Variants in FOXN3 observed in about 807,000 individuals in gnomAD.
The protein encoded by FOXN3 is forkhead box protein N3.
A neutral mutation model predicts 38.4 loss-of-function variants in FOXN3; 7 were observed. The ratio of observed to expected loss-of-function variants is 0.18; its 90% confidence interval spans 0.10 to 0.34. The LOEUF is 0.34. FOXN3 is among the 10% of genes least tolerant of loss of function. The pLI, the probability that FOXN3 is intolerant of heterozygous loss-of-function variation, is 1.00. For synonymous variants in FOXN3, 230 were observed against 242.2 expected, an observed-to-expected ratio of 0.95 and a Z score of 0.47; for missense variants, 456 against 613.4, an observed-to-expected ratio of 0.74 and a Z score of 2.71.
At chr14:89,289,895 A>G (rs1232832417) in intron 3 of FOXN3, among the ~76,000 whole-genome samples, 3 of 152,218 alleles carry the variant, frequency 2.0e-5, no homozygotes, top group Admixed American at 2.0e-4. Flanking sequence ...GGAAAATTGA[A>G]TCATGCAGTA....
chr14:89,414,604 A>G (rs1891645567), intron 1 of FOXN3, among the ~76,000 whole-genome samples: 1 of 136,348 alleles, frequency 7.3e-6, no homozygotes, highest in Non-Finnish European at 1.5e-5. Context: ...CCCAGGCTGG[A>G]GTGCAGTGGT....
chr14:89,303,217 T>C (rs529770282), intron 3 of FOXN3, among the ~76,000 whole-genome samples: 1 of 152,284 alleles, frequency 6.6e-6, no homozygotes, highest in African/African-American at 2.4e-5. Flanking sequence ...CTGTCATTGC[T>C]ACTCAGTTGC....
intron 1 of FOXN3, among the ~76,000 whole-genome samples, chr14:89,618,775 C>CT (rs10649488): frequency 0.11 from 15,496 of 145,482 alleles, 1,041 homozygotes; most frequent in African/African-American, 0.2. Context: ...TCCTAAGAAA[C>CT]TTTTTTTTTT....
chr14:89,554,865 T>G (rs1313080863), intron 1 of FOXN3, among the ~76,000 whole-genome samples: 1 of 143,110 alleles, frequency 7.0e-6, no homozygotes, highest in African/African-American at 2.6e-5. Context: ...CTCAGCTCAC[T>G]GAAACCTCAG....
In FOXN3 at chr14:89,513,150, GAAAAA is replaced by G. The variant is rs36003791; in HGVS notation, c.-14-100665_-14-100661del. On this transcript the variant is annotated intron_variant, in intron 1 of 6. Coordinates refer to the FOXN3 transcript ENST00000345097. ...GCAACAGAGTGAGATTCCATCTCAG[GAAAAA>G]AAAAAAAAAAAAAAGAAAAAGAAAG... 5.3e-3 allele frequency among the ~76,000 whole-genome samples: 543 copies of G among 102,078 alleles called. 2 individuals carry two copies. The highest frequency in any genetic ancestry group is 0.016 in the African/African-American group (443 of 27,442). 67.0% of individuals were successfully genotyped at this position (102,078 alleles called of 152,430 possible).
chr14:89,288,370 C>T (rs536655967), intron 3 of FOXN3, among the ~76,000 whole-genome samples: 5 of 152,278 alleles, frequency 3.3e-5, no homozygotes, highest in African/African-American at 1.2e-4. Flanking sequence ...AAGGTATCAG[C>T]CTGCACATAG....
At chr14:89,250,942 C>CTCA (rs920074044) in intron 4 of FOXN3, among the ~76,000 whole-genome samples, 6 of 152,188 alleles carry the variant, frequency 3.9e-5, no homozygotes, top group Admixed American at 3.3e-4. Flanking sequence ...TGAGGCCTCC[C>CTCA]CAGCCAGGTG....
At chr14:89,538,581 C>T (rs1439070576) in intron 1 of FOXN3, among the ~76,000 whole-genome samples, 3 of 152,148 alleles carry the variant, frequency 2.0e-5, no homozygotes, top group South Asian at 2.1e-4. Context: ...TGCAATGGCA[C>T]GATCTTGGCT....
At chr14:89,416,449 G>A (rs1055057850) in intron 1 of FOXN3, among the ~76,000 whole-genome samples, 3 of 152,130 alleles carry the variant, frequency 2.0e-5, no homozygotes, top group African/African-American at 4.8e-5. Flanking sequence ...TCGGGCCTCG[G>A]GGGTCTCCGG....
chr14:89,342,910 C>T (rs1405476813), intron 3 of FOXN3, among the ~76,000 whole-genome samples: 1 of 152,170 alleles, frequency 6.6e-6, no homozygotes, highest in African/African-American at 2.4e-5. Flanking sequence ...GGGTTTCCAT[C>T]AAATATGTTG....
rs139973053 is a variant in FOXN3 at position 89,594,062 on chromosome 14, A to T, written c.-15+24966T>A. Reference sequence around the variant, plus strand: ...CGGTATGTCACTTTTCACATATACCATAAAGTATTTGTGTGTGTGCACACA... The same window carrying T: ...CGGTATGTCACTTTTCACATATACCTTAAAGTATTTGTGTGTGTGCACACA... On this transcript the variant is annotated intron_variant, in intron 1 of 6. Transcript: ENST00000345097. 5.4e-4 allele frequency among the ~76,000 whole-genome samples: 83 copies of T among 152,360 alleles called. 2 individuals are homozygous for T. In the East Asian group the frequency reaches 0.011, roughly 19 times the overall value.
chr14:89,603,608 C>T (rs562490878), intron 1 of FOXN3, among the ~76,000 whole-genome samples: 1 of 152,276 alleles, frequency 6.6e-6, no homozygotes, highest in African/African-American at 2.4e-5. Context: ...ATGTAAGTTT[C>T]TTTTCTGGTA....
rs574818548 is a variant in FOXN3, at chr14:89,536,961, T to C, written c.-15+82067A>G. Among the ~76,000 whole-genome samples the C allele has an allele frequency of 3.9e-5, 6 of 152,254 alleles. No homozygotes were observed. In the South Asian group the frequency reaches 1.2e-3, roughly 32 times the overall value. Reference sequence around the variant, plus strand: ...TCTTTATCATGGCATGACCCCTTGATTATATCTTCTGTTTCTCTCCTCAAC... The same window carrying C: ...TCTTTATCATGGCATGACCCCTTGACTATATCTTCTGTTTCTCTCCTCAAC... On this transcript the variant is annotated intron_variant, in intron 1 of 6. Transcript: ENST00000345097.
At chr14:89,373,135 T>G (rs12587290) in intron 2 of FOXN3, among the ~76,000 whole-genome samples, 1 of 151,920 alleles carries the variant, frequency 6.6e-6, no homozygotes, top group East Asian at 1.9e-4. Context: ...CACTGCACTC[T>G]GACCTGGGCA....
intron 1 of FOXN3, among the ~76,000 whole-genome samples, chr14:89,468,050 A>G (rs1229590007): frequency 6.6e-6 from 1 of 151,682 alleles, no homozygotes; most frequent in African/African-American, 2.4e-5. Context: ...ATGCACATAT[A>G]TACATGCATC....
rs939869311 is a variant in FOXN3 at position 89,403,207 on chromosome 14, TTTG to T, written c.543+8724_543+8726del. On this transcript the variant is annotated intron_variant, in intron 2 of 5. Coordinates refer to ENST00000557258, the MANE Select transcript of FOXN3 (RefSeq NM_005197.4). ...AAATCACATTTTTTTTTTTTAATTT[TTTG>T]TTGTTGTTGGAGACATGGTCTCACT... is the stretch of plus-strand genomic sequence containing the variant. Among the ~76,000 whole-genome samples the T allele has an allele frequency of 6.6e-5, 10 of 152,202 alleles. 1 individual carries two copies. The highest frequency in any genetic ancestry group is 1.2e-4 in the Non-Finnish European group (8 of 68,044).
chr14:89,392,927 CT>C (rs1202123137), intron 2 of FOXN3, among the ~76,000 whole-genome samples: 1 of 152,010 alleles, frequency 6.6e-6, no homozygotes, highest in Non-Finnish European at 1.5e-5. Context: ...CTGCCTCAGC[CT>C]CCCGAGTAGC....
chr14:89,479,997 A>C (rs1350811215), intron 1 of FOXN3, among the ~76,000 whole-genome samples: 3 of 152,206 alleles, frequency 2.0e-5, no homozygotes, highest in Non-Finnish European at 4.4e-5. Flanking sequence ...TTAAGTAACA[A>C]GGAACTGAGA....
intron 1 of FOXN3, among the ~76,000 whole-genome samples, chr14:89,488,116 T>G (rs533009502): frequency 6.7e-6 from 1 of 149,210 alleles, no homozygotes; most frequent in Non-Finnish European, 1.5e-5. Context: ...AGACAGAGTC[T>G]CTATTGCCCA....
Sources: gnomAD v4.1 joint callset for allele counts (sites outside exome capture counted in the v4.1 genomes callset) on GRCh38, gnomAD v4.1.1 for gene constraint, MANE v1.5 for transcripts, NCBI Gene and HGNC (gene_info 2026-07-23, HGNC 2026-07-21) for gene names.